The following ST6GALNAC3 variants were observed in gnomAD, a reference collection of about 807,000 sequenced individuals.
ST6GALNAC3 encodes alpha-N-acetylgalactosaminide alpha-2,6-sialyltransferase 3.
Under a neutral mutation model 32.7 loss-of-function variants are expected in ST6GALNAC3, and 25 were observed. That is an observed-to-expected ratio of 0.76 (90% confidence interval 0.56 to 1.07). ST6GALNAC3 has a LOEUF of 1.07. ST6GALNAC3 is among the 50% of genes least tolerant of loss of function. The pLI, the probability that ST6GALNAC3 is intolerant of heterozygous loss-of-function variation, is 0.00. For missense variants in ST6GALNAC3, 355 were observed against 382.4 expected, an observed-to-expected ratio of 0.93 and a Z score of 0.60; for synonymous variants, 129 against 133.1, an observed-to-expected ratio of 0.97 and a Z score of 0.21.
At chr1:76,517,126 G>A (rs942859630) in intron 3 of ST6GALNAC3, among the ~76,000 whole-genome samples, 13 of 151,362 alleles carry the variant, frequency 8.6e-5, no homozygotes, top group Non-Finnish European at 1.8e-4. Flanking sequence ...TGTTTAAATT[G>A]ATTAATAATC....
At chr1:76,489,443 TC>T (rs1660350177) in intron 3 of ST6GALNAC3, among the ~76,000 whole-genome samples, 1 of 152,104 alleles carries the variant, frequency 6.6e-6, no homozygotes, top group Non-Finnish European at 1.5e-5. Flanking sequence ...TCTCTCTCTC[TC>T]TCCCTCTCGC....
At chr1:76,305,970 T>C in intron 1 of ST6GALNAC3, 1 of 516,614 alleles carries the variant, frequency 1.9e-6, no homozygotes, top group South Asian at 1.4e-5. Flanking sequence ...TTCATACTAA[T>C]GGGAACATTC....
chr1:76,557,733 C>T (rs1418293142), intron 3 of ST6GALNAC3, among the ~76,000 whole-genome samples: 1 of 152,056 alleles, frequency 6.6e-6, no homozygotes, highest in Non-Finnish European at 1.5e-5. Flanking sequence ...AGTAGATAGG[C>T]TGGAAACTAA....
At chr1:76,155,922 G>T (rs1213458952) in intron 1 of ST6GALNAC3, among the ~76,000 whole-genome samples, 1 of 152,104 alleles carries the variant, frequency 6.6e-6, no homozygotes, top group Admixed American at 6.5e-5. Context: ...TTTTGACCTA[G>T]TGTCCTTTTT....
intron 1 of ST6GALNAC3, among the ~76,000 whole-genome samples, chr1:76,279,771 C>T (rs947468567): frequency 6.6e-6 from 1 of 152,136 alleles, no homozygotes; most frequent in African/African-American, 2.4e-5. Context: ...ACCTCAGGAG[C>T]CTTGCTGGAG....
chr1:76,173,208 C>A (rs993326115), intron 1 of ST6GALNAC3, among the ~76,000 whole-genome samples: 28 of 152,124 alleles, frequency 1.8e-4, no homozygotes, highest in African/African-American at 6.8e-4. Context: ...TGATCTTTGA[C>A]AAACCTGATA....
At position 76,294,786 on chromosome 1, in the gene ST6GALNAC3, G is replaced by A. The variant is rs536346011; in HGVS notation, c.19-19019G>A. Among the ~76,000 whole-genome samples, 16 of 152,170 alleles carry A rather than the reference G, an allele frequency of 1.1e-4. No homozygotes were observed. The East Asian group carries it at 1.9e-3, about 18-fold the overall frequency. On this transcript the variant is annotated intron_variant, in intron 1 of 4. Coordinates refer to ENST00000328299, the MANE Select transcript of ST6GALNAC3 (RefSeq NM_152996.4). ...GTGGTAGCATGTTGTTAGCTGCTGC[G>A]TTTAGGCATATAATTTATGTGAAGT...
rs1314779672 is a variant in ST6GALNAC3 at position 76,632,909 on chromosome 1, G to A, written c.*4103G>A. The stretch of plus-strand genomic sequence containing the variant: ...GTTTGCATGTCTTAGCACAACAAAG[G>A]ATTTACAGTCTGAGGGCCAAGAGAG... On this transcript the variant is annotated 3_prime_UTR_variant, in exon 5 of 5. Coordinates refer to ENST00000328299, the MANE Select transcript of ST6GALNAC3 (RefSeq NM_152996.4). 6.6e-6 allele frequency: 1 copy of A among 152,092 alleles called. No homozygotes were observed. Among genetic ancestry groups the A allele is most frequent in the East Asian group, 1.9e-4 (1 of 5,188 alleles). The allele number at this position is 152,092 out of a possible 1,614,324, so 9.4% of individuals were successfully genotyped here.
intron 3 of ST6GALNAC3, among the ~76,000 whole-genome samples, chr1:76,415,230 T>C (rs1420635526): frequency 7.4e-6 from 1 of 136,046 alleles, no homozygotes; most frequent in Non-Finnish European, 1.6e-5. Context: ...TCAGAAGAAA[T>C]ACTCTCTAGT....
intron 1 of ST6GALNAC3, among the ~76,000 whole-genome samples, chr1:76,085,542 C>T (rs1320920164): frequency 2.6e-5 from 4 of 152,152 alleles, no homozygotes; most frequent in African/African-American, 7.2e-5. Context: ...GGAATTCAGA[C>T]CCAAAGTCTG....
At chr1:76,358,145 C>T (rs766608489) in intron 2 of ST6GALNAC3, among the ~76,000 whole-genome samples, 8 of 152,046 alleles carry the variant, frequency 5.3e-5, no homozygotes, top group African/African-American at 7.2e-5. Context: ...TTGCCCCTAT[C>T]GAATCTTTAA....
chr1:76,275,739 A>T (rs189372685), intron 1 of ST6GALNAC3, among the ~76,000 whole-genome samples: 1 of 152,164 alleles, frequency 6.6e-6, no homozygotes, highest in African/African-American at 2.4e-5. Flanking sequence ...ATTTAAGAAC[A>T]TTATCTCCCT....
intron 1 of ST6GALNAC3, among the ~76,000 whole-genome samples, chr1:76,310,382 AAATGAGG>A: frequency 6.6e-6 from 1 of 152,302 alleles, no homozygotes; most frequent in Non-Finnish European, 1.5e-5. Context: ...TTAGAAGCTT[AAATGAGG>A]TAAGGCTGTG....
At chr1:76,155,017 CTTTTTAT>C (rs941249634) in intron 1 of ST6GALNAC3, among the ~76,000 whole-genome samples, 4 of 152,158 alleles carry the variant, frequency 2.6e-5, no homozygotes, top group Non-Finnish European at 5.9e-5. Flanking sequence ...TTCCACCAAT[CTTTTTAT>C]TTTTTATTTT....
chr1:76,132,839 C>T (rs1031860902), intron 1 of ST6GALNAC3, among the ~76,000 whole-genome samples: 3 of 152,200 alleles, frequency 2.0e-5, no homozygotes, highest in Non-Finnish European at 4.4e-5. Context: ...GATAGGACAG[C>T]TTCATCTACG....
At chr1:76,628,540 G>A (rs1649118533) in intron 4 of ST6GALNAC3, 80 bp from the exon 5 acceptor site, 3 of 1,279,858 alleles carry the variant, frequency 2.3e-6, no homozygotes, top group East Asian at 2.5e-5. Flanking sequence ...CATTTACTGG[G>A]CACATAATGG....
intron 3 of ST6GALNAC3, among the ~76,000 whole-genome samples, chr1:76,540,362 G>A (rs147820071): frequency 3.9e-5 from 6 of 152,046 alleles, no homozygotes; most frequent in Admixed American, 2.6e-4. Flanking sequence ...GTTGGGGAGT[G>A]GGGGGTGAGG....
intron 1 of ST6GALNAC3, among the ~76,000 whole-genome samples, chr1:76,137,323 G>T (rs1280226245): frequency 6.6e-6 from 1 of 152,254 alleles, no homozygotes; most frequent in African/African-American, 2.4e-5. Context: ...TGGATGTGAT[G>T]TTGGGGAATT....
intron 1 of ST6GALNAC3, among the ~76,000 whole-genome samples, chr1:76,108,952 G>A (rs1486382504): frequency 2.6e-5 from 4 of 151,914 alleles, no homozygotes; most frequent in African/African-American, 9.7e-5. Flanking sequence ...AGTTTCCTTT[G>A]GGGTGCCTTA....
Sources: gnomAD v4.1 joint callset for allele counts (sites outside exome capture counted in the v4.1 genomes callset) on GRCh38, gnomAD v4.1.1 for gene constraint, MANE v1.5 for transcripts, NCBI Gene and HGNC (gene_info 2026-07-23, HGNC 2026-07-21) for gene names.